Variants in PHTF2 observed in about 807,000 individuals in gnomAD.
The protein encoded by PHTF2 is putative homeodomain transcription factor 2.
A neutral mutation model predicts 101.2 loss-of-function variants in PHTF2; 60 were observed. The ratio of observed to expected loss-of-function variants is 0.59; its 90% CI spans 0.48 to 0.73. The LOEUF (loss-of-function observed/expected upper bound fraction) is 0.73. Ranked by LOEUF, PHTF2 falls within the 30% of genes least tolerant of loss-of-function variation. PHTF2 has a pLI of 0.00. For synonymous variants in PHTF2, 311 were observed against 307.3 expected, an observed-to-expected ratio of 1.01 and a Z score of -0.13; for missense variants, 747 against 908.7, an observed-to-expected ratio of 0.82 and a Z score of 2.29.
chr7:77,813,816 T>A (rs779629546), intron 1 of PHTF2, among the ~76,000 whole-genome samples: 1 of 152,188 alleles, frequency 6.6e-6, no homozygotes, highest in African/African-American at 2.4e-5. Flanking sequence ...AAAAGAATGT[T>A]AGAGGTAGTG....
intron 1 of PHTF2, among the ~76,000 whole-genome samples, chr7:77,806,860 T>TA (rs55946890): frequency 3.9e-5 from 6 of 152,092 alleles, no homozygotes; most frequent in Non-Finnish European, 4.4e-5. Context: ...TACTTTTGAG[T>TA]AAAAAAACTA....
chr7:77,916,647 A>AC (rs1395264495), intron 9 of PHTF2, among the ~76,000 whole-genome samples: 2 of 147,708 alleles, frequency 1.4e-5, no homozygotes, highest in African/African-American at 4.9e-5. Flanking sequence ...ACTCCCAACC[A>AC]CCCCCCCACC....
chr7:77,834,460 T>C (rs559389882), intron 1 of PHTF2, among the ~76,000 whole-genome samples: 13 of 152,192 alleles, frequency 8.5e-5, no homozygotes, highest in Admixed American at 5.9e-4. Context: ...TGAAGATAAA[T>C]GAGTGAGGCA....
chr7:77,910,649 C>T (rs1562940472), intron 9 of PHTF2, among the ~76,000 whole-genome samples: 1 of 147,652 alleles, frequency 6.8e-6, no homozygotes, highest in East Asian at 2.0e-4. Flanking sequence ...CTAGGATTTC[C>T]TTTTTTTTTT....
chr7:77,813,537 A>G (rs1212289682), intron 1 of PHTF2, among the ~76,000 whole-genome samples: 2 of 152,320 alleles, frequency 1.3e-5, no homozygotes, highest in Non-Finnish European at 1.5e-5. Context: ...TGCACTGTGA[A>G]AGGGAGAAGA....
chr7:77,918,340 A>T (rs1259068563), intron 9 of PHTF2, among the ~76,000 whole-genome samples: 1 of 152,074 alleles, frequency 6.6e-6, no homozygotes, highest in Non-Finnish European at 1.5e-5. Flanking sequence ...AACATTTCTC[A>T]GAGTGTTCCA....
rs914007792 is a variant in PHTF2, at chr7:77,939,589, CAAAAAAAAAAA to C, written c.1468-432_1468-422del. 1.1e-4 allele frequency among the ~76,000 whole-genome samples: 8 copies of C among 75,114 alleles called. No individual in the cohort carries two copies. In the South Asian group the frequency reaches 3.8e-3, roughly 36 times the overall value. The allele number at this position is 75,114 out of a possible 152,430, so 49.3% of individuals were successfully genotyped here. ...TGGGCAATAGAGTGAGACCCTGTCT[CAAAAAAAAAAA>C]AAAAAAAAGAAAACAGAAAGAAAAC... is the stretch of plus-strand genomic sequence containing the variant. On this transcript the variant is annotated intron_variant, in intron 13 of 19. Coordinates refer to ENST00000416283, the Ensembl canonical transcript of PHTF2.
chr7:77,937,173 A>G (rs971509967), intron 12 of PHTF2, among the ~76,000 whole-genome samples: 24 of 152,230 alleles, frequency 1.6e-4, no homozygotes, highest in African/African-American at 5.1e-4. Context: ...TTAAATATGT[A>G]AGGAAGAGTC....
chr7:77,824,915 G>A (rs527589962), intron 1 of PHTF2, among the ~76,000 whole-genome samples: 1 of 151,758 alleles, frequency 6.6e-6, no homozygotes, highest in Non-Finnish European at 1.5e-5. Flanking sequence ...CACACCTGTA[G>A]TCTTAGCTAC....
At chr7:77,943,419 G>T (rs1203617801) in intron 16 of PHTF2, among the ~76,000 whole-genome samples, 1 of 152,094 alleles carries the variant, frequency 6.6e-6, no homozygotes, top group African/African-American at 2.4e-5. Context: ...GAGCCACAGC[G>T]CCCGACCTAT....
intron 1 of PHTF2, among the ~76,000 whole-genome samples, chr7:77,814,191 T>C (rs916368804): frequency 6.6e-6 from 1 of 152,208 alleles, no homozygotes; most frequent in African/African-American, 2.4e-5. Context: ...TGTGTTAATA[T>C]AAGGTCGCTG....
At chr7:77,953,625 G>T in intron 18 of PHTF2, 144 bp from the exon 18 acceptor site, 1 of 580,410 alleles carries the variant, frequency 1.7e-6, no homozygotes, top group Non-Finnish European at 2.8e-6. Context: ...CTTCTTTCAA[G>T]TTTAACCAAG....
intron 10 of PHTF2, 118 bp downstream of exon 9, chr7:77,920,583 C>T (rs908060991): frequency 8.4e-6 from 6 of 712,226 alleles, no homozygotes; most frequent in South Asian, 3.3e-5. Flanking sequence ...ATTCTGTGAG[C>T]GTTTATAACA....
At chr7:77,842,963 T>G (rs1796002353) in intron 2 of PHTF2, among the ~76,000 whole-genome samples, 1 of 152,186 alleles carries the variant, frequency 6.6e-6, no homozygotes, top group South Asian at 2.1e-4. Flanking sequence ...GGGTCTAGAT[T>G]TGACCTGTAG....
chr7:77,802,003 A>G (rs775424156), intron 1 of PHTF2, among the ~76,000 whole-genome samples: 11 of 152,266 alleles, frequency 7.2e-5, no homozygotes, highest in Non-Finnish European at 1.3e-4. Flanking sequence ...AAAGCAGTGA[A>G]TACAAAAGAA....
intron 1 of PHTF2, among the ~76,000 whole-genome samples, chr7:77,818,225 GTTGA>G (rs1334244184): frequency 6.6e-6 from 1 of 151,486 alleles, no homozygotes; most frequent in Non-Finnish European, 1.5e-5. Flanking sequence ...TTTTTACTCT[GTTGA>G]TTGTTTCCTT....
chr7:77,848,992 A>G (rs1796524050), intron 2 of PHTF2, among the ~76,000 whole-genome samples: 1 of 152,174 alleles, frequency 6.6e-6, no homozygotes, highest in Non-Finnish European at 1.5e-5. Context: ...GAGAACATCC[A>G]TCGTGATGTT....
At chr7:77,953,860 G>A in exon 19 of PHTF2, 1 of 1,613,372 alleles carries the variant, frequency 6.2e-7, no homozygotes, top group Non-Finnish European at 8.5e-7. Flanking sequence ...GCTGTTTCTG[G>A]TGTTATCAGT....
At chr7:77,827,597 C>A (rs1184361892) in intron 1 of PHTF2, among the ~76,000 whole-genome samples, 4 of 152,030 alleles carry the variant, frequency 2.6e-5, no homozygotes, top group Non-Finnish European at 5.9e-5. Flanking sequence ...CATGATCTAC[C>A]TGCCTTGGAC....
Sources: allele counts gnomAD v4.1 joint callset (sites outside exome capture counted in the v4.1 genomes callset), GRCh38; gene constraint gnomAD v4.1.1; transcripts MANE v1.5; gene names NCBI Gene and HGNC (gene_info 2026-07-23, HGNC 2026-07-21).